NPNT: variants seen among roughly 807,000 people sequenced by gnomAD.
NPNT encodes the protein nephronectin, also known as preosteoblast EGF-like repeat protein with MAM domain.
Under a neutral mutation model 68.6 loss-of-function variants are expected in NPNT, and 45 were observed. That is an observed-to-expected ratio of 0.66 (90% CI 0.52 to 0.84). The LOEUF is 0.84. Among genes scored for constraint, NPNT ranks in the 40% least tolerant of loss-of-function variants. NPNT has a pLI of 0.00. For synonymous variants in NPNT, 233 were observed against 253.3 expected (o/e 0.92, Z 0.76); for missense variants, 672 against 714.8 (o/e 0.94, Z 0.68).
chr4:105,951,073 G>A (rs1730797703), intron 8 of NPNT, among the ~76,000 whole-genome samples: 1 of 152,120 alleles, frequency 6.6e-6, no homozygotes, highest in Non-Finnish European at 1.5e-5. Context: ...GGATAGCAGG[G>A]CTCTTTCTAA....
At chr4:105,946,511 G>A (rs560323828) in intron 8 of NPNT, among the ~76,000 whole-genome samples, 1 of 152,272 alleles carries the variant, frequency 6.6e-6, no homozygotes, top group South Asian at 2.1e-4. Context: ...CGCTGGCTGA[G>A]AAATAAAGAG....
chr4:105,950,024 C>T (rs184770672), intron 8 of NPNT, among the ~76,000 whole-genome samples: 5 of 152,274 alleles, frequency 3.3e-5, no homozygotes, highest in Non-Finnish European at 7.4e-5. Flanking sequence ...TTAATTCCTT[C>T]AGAGAGGGGG....
At chr4:105,948,176 C>G (rs542357970) in intron 8 of NPNT, among the ~76,000 whole-genome samples, 1 of 151,932 alleles carries the variant, frequency 6.6e-6, no homozygotes, top group African/African-American at 2.4e-5. Flanking sequence ...CTAGAAAATT[C>G]TAAGTCTAAT....
At chr4:105,957,067 T>C (rs935997831) in intron 8 of NPNT, among the ~76,000 whole-genome samples, 1 of 152,166 alleles carries the variant, frequency 6.6e-6, no homozygotes, top group African/African-American at 2.4e-5. Context: ...GTTCTACATC[T>C]CCTACTCCCT....
In NPNT at chr4:105,970,436, T is replaced by G. The variant is rs1276457505; in HGVS notation, c.*1446T>G. 2 of 701,006 alleles carry G rather than the reference T, an allele frequency of 2.9e-6. No homozygotes were observed. The highest frequency in any genetic ancestry group is 5.2e-6 in the Non-Finnish European group (2 of 383,748). 43.4% of individuals were successfully genotyped at this position (701,006 alleles called of 1,614,324 possible). A position where few individuals can be genotyped will look rare whatever the true frequency, so the allele number is the denominator to read the frequency against. ...GAAAAAAAGATCTATGATGGAAAAT[T>G]AAAGGAACTGGGATTATTGAGCCTG... On this transcript the variant is annotated 3_prime_UTR_variant, in exon 12 of 12. Coordinates refer to ENST00000379987, the MANE Select transcript of NPNT (RefSeq NM_001033047.3).
intron 2 of NPNT, among the ~76,000 whole-genome samples, chr4:105,923,427 C>G (rs955104048): frequency 1.3e-5 from 2 of 152,080 alleles, no homozygotes; most frequent in African/African-American, 4.8e-5. Flanking sequence ...AAATTTGTAT[C>G]AAAAGGAAAC....
chr4:105,904,214 T>G (rs899991750), intron 2 of NPNT, among the ~76,000 whole-genome samples: 1 of 152,236 alleles, frequency 6.6e-6, no homozygotes, highest in African/African-American at 2.4e-5. Flanking sequence ...TAAAAAAACT[T>G]TGAACATATG....
intron 10 of NPNT, among the ~76,000 whole-genome samples, chr4:105,961,487 G>A (rs1731716953): frequency 6.6e-6 from 1 of 152,216 alleles, no homozygotes; most frequent in Non-Finnish European, 1.5e-5. Flanking sequence ...GCACTTCTAT[G>A]TAAACAATCT....
chr4:105,925,631 G>C (rs1220651226), intron 2 of NPNT, among the ~76,000 whole-genome samples: 2 of 152,202 alleles, frequency 1.3e-5, no homozygotes, highest in African/African-American at 2.4e-5. Flanking sequence ...AGGAACAGGT[G>C]TCAGGAGCTT....
At chr4:105,943,100 T>C (rs971662525) in intron 8 of NPNT, among the ~76,000 whole-genome samples, 2 of 152,220 alleles carry the variant, frequency 1.3e-5, no homozygotes, top group Admixed American at 6.5e-5. Context: ...GAAGGCCTTG[T>C]ATTAGTTATT....
At chr4:105,947,717 G>A (rs1730496777) in intron 8 of NPNT, among the ~76,000 whole-genome samples, 1 of 152,152 alleles carries the variant, frequency 6.6e-6, no homozygotes, top group African/African-American at 2.4e-5. Context: ...TCTTAGAAAT[G>A]CTTTTTTTCA....
intron 10 of NPNT, among the ~76,000 whole-genome samples, chr4:105,961,053 G>A (rs752514812): frequency 1.3e-5 from 2 of 151,918 alleles, no homozygotes; most frequent in Non-Finnish European, 2.9e-5. Flanking sequence ...TCATTCACTC[G>A]AGGAGCAAAT....
chr4:105,942,268 G>T, intron 7 of NPNT, 39 bp from the exon 8 acceptor site: 1 of 1,498,094 alleles, frequency 6.7e-7, no homozygotes, highest in Non-Finnish European at 9.0e-7. Flanking sequence ...TTTTAGGGAG[G>T]AATGGTTACA....
At chr4:105,924,682 T>G (rs1028236453) in intron 2 of NPNT, among the ~76,000 whole-genome samples, 7 of 152,308 alleles carry the variant, frequency 4.6e-5, no homozygotes, top group African/African-American at 9.6e-5. Context: ...CAATAAAAAC[T>G]TTGGTCCTAT....
intron 2 of NPNT, among the ~76,000 whole-genome samples, chr4:105,925,068 G>A (rs1224909885): frequency 6.6e-6 from 1 of 151,614 alleles, no homozygotes; most frequent in Non-Finnish European, 1.5e-5. Context: ...TTGGTGATAG[G>A]GCCTAGAAAT....
chr4:105,898,447 G>A (rs1459363537), intron 2 of NPNT, among the ~76,000 whole-genome samples: 14 of 148,972 alleles, frequency 9.4e-5, no homozygotes, highest in South Asian at 6.5e-4. Context: ...ATTTACACTG[G>A]GGATAAGATA....
intron 3 of NPNT, among the ~76,000 whole-genome samples, chr4:105,931,717 G>C (rs1321629865): frequency 6.6e-6 from 1 of 151,082 alleles, no homozygotes; most frequent in Non-Finnish European, 1.5e-5. Context: ...GCAGGTGCCT[G>C]TAGTTCCAGC....
chr4:105,963,748 C>T lies in NPNT; in HGVS notation c.1346-3440C>T, dbSNP rs542248895. 6.8e-4 allele frequency among the ~76,000 whole-genome samples: 103 copies of T among 150,596 alleles called. 3 individuals carry two copies. The South Asian group carries it at 0.021, about 31-fold the overall frequency. ...CTGATAGCTACAAGGAATTTGCTTA[C>T]ATATGTATCAAGTATGCCAGCATGT... On this transcript the variant is annotated intron_variant, in intron 10 of 11. Coordinates refer to ENST00000379987, the MANE Select transcript of NPNT (RefSeq NM_001033047.3).
chr4:105,906,361 A>G (rs950043296), intron 2 of NPNT, among the ~76,000 whole-genome samples: 1 of 152,236 alleles, frequency 6.6e-6, no homozygotes, highest in South Asian at 2.1e-4. Flanking sequence ...CATTCCTATC[A>G]TGAAGCCAGT....
Sources: gnomAD v4.1 joint callset for allele counts (sites outside exome capture counted in the v4.1 genomes callset) on GRCh38, gnomAD v4.1.1 for gene constraint, MANE v1.5 for transcripts, NCBI Gene and HGNC (gene_info 2026-07-23, HGNC 2026-07-21) for gene names.